NLRC5: variants seen among roughly 807,000 people sequenced by gnomAD.
The protein encoded by NLRC5 is NLR family CARD domain containing 5, also known as protein NLRC5.
A neutral mutation model predicts 206.9 loss-of-function variants in NLRC5; 114 were observed. That is an observed-to-expected ratio of 0.55 (90% CI 0.47 to 0.64). The LOEUF (loss-of-function observed/expected upper bound fraction) is 0.64, where lower values mean the gene tolerates loss of function less well. Ranked by LOEUF, NLRC5 falls within the 30% of genes least tolerant of loss-of-function variation. The pLI is 0.00. For missense variants in NLRC5, 2,008 were observed against 2,305.5 expected, an observed-to-expected ratio of 0.87 and a Z score of 2.64; for synonymous variants, 952 against 962.8, an observed-to-expected ratio of 0.99 and a Z score of 0.21.
chr16:57,011,008 C>CT (rs2059434409), intron 1 of NLRC5, among the ~76,000 whole-genome samples: 1 of 152,138 alleles, frequency 6.6e-6, no homozygotes, highest in Non-Finnish European at 1.5e-5. Flanking sequence ...GCCCAGACCC[C>CT]TCCTCAGACA....
chr16:57,071,122 T>G (rs1597440532), intron 38 of NLRC5, among the ~76,000 whole-genome samples: 12 of 97,954 alleles, frequency 1.2e-4, no homozygotes, highest in Admixed American at 3.5e-4. Context: ...GGTGAGTGAG[T>G]GGTGGGGTTG....
At chr16:57,046,967 G>T (rs1236417875) in intron 22 of NLRC5, among the ~76,000 whole-genome samples, 4 of 152,214 alleles carry the variant, frequency 2.6e-5, no homozygotes, top group Non-Finnish European at 5.9e-5. Context: ...CAGAAAGAAA[G>T]GGGTTGGCCT....
intron 32 of NLRC5, chr16:57,062,014 T>C (rs1397503057): frequency 7.0e-7 from 1 of 1,430,428 alleles, no homozygotes; most frequent in Admixed American, 2.2e-5. Flanking sequence ...TGTCTGTCTG[T>C]TCACTATGAT....
At chr16:57,060,048 AT>A (rs769806980) in intron 30 of NLRC5, among the ~76,000 whole-genome samples, 2 of 149,410 alleles carry the variant, frequency 1.3e-5, no homozygotes, top group Non-Finnish European at 3.0e-5. Flanking sequence ...TATTATTATT[AT>A]TATTATTATC....
chr16:57,028,199 G>A (rs1469871692), intron 7 of NLRC5, 44 bp downstream of exon 7: 1 of 1,579,926 alleles, frequency 6.3e-7, no homozygotes, highest in East Asian at 2.2e-5. Context: ...AGCTGGGGAT[G>A]CCTGGTACTC....
intron 38 of NLRC5, among the ~76,000 whole-genome samples, chr16:57,070,949 TGG>T (rs2067620087): frequency 1.5e-5 from 2 of 132,066 alleles, no homozygotes; most frequent in Non-Finnish European, 3.1e-5. Flanking sequence ...GTTGTGTTGG[TGG>T]TTAATGGGGA....
intron 26 of NLRC5, 21 bp downstream of exon 26, chr16:57,055,115 C>T: frequency 6.2e-7 from 1 of 1,613,712 alleles, no homozygotes; most frequent in South Asian, 1.1e-5. Context: ...TTGAACCATG[C>T]CTAGGCAGCT....
intron 13 of NLRC5, among the ~76,000 whole-genome samples, chr16:57,035,369 C>T (rs1437589693): frequency 3.3e-5 from 5 of 152,082 alleles, no homozygotes; most frequent in Admixed American, 6.6e-5. Context: ...TGATGCCTGC[C>T]CCCTTCACTC....
At chr16:57,062,127 T>A (rs759617881) in intron 32 of NLRC5, 7 of 978,570 alleles carry the variant, frequency 7.2e-6, no homozygotes, top group South Asian at 6.9e-5. Context: ...ATACTTTTTT[T>A]ATATTTGCTT....
chr16:57,027,068 G>A, intron 6 of NLRC5, 50 bp downstream of exon 6: 1 of 1,573,134 alleles, frequency 6.4e-7, no homozygotes, highest in Admixed American at 1.8e-5. Flanking sequence ...TTTTGGGGGA[G>A]CAGAGGCCAA....
Position 56,990,941 on chromosome 16 carries a change from C to A in NLRC5, c.-128+1324C>A, listed in dbSNP as rs563272974. The A allele has an allele frequency of 2.0e-5, 3 of 152,282 alleles. No individual in the cohort carries two copies. In the East Asian group the frequency reaches 5.8e-4, roughly 29 times the overall value. The allele number at this position is 152,282 out of a possible 1,614,324, so 9.4% of individuals were successfully genotyped here. On this transcript the variant is annotated intron_variant, in intron 1 of 48. Transcript: ENST00000688547. ...CCGCCTTGTCTCCTGAAGCACATTG[C>A]CAGGTGGACCTGCACATGGTGTGGA...
chr16:57,060,047 T>TATTATG (rs1247970040), intron 30 of NLRC5, among the ~76,000 whole-genome samples: 1 of 137,836 alleles, frequency 7.3e-6, no homozygotes, highest in African/African-American at 2.9e-5. Context: ...TTATTATTAT[T>TATTATG]ATTATTATTA....
chr16:57,076,496 G>A (rs1262434798), intron 39 of NLRC5, among the ~76,000 whole-genome samples: 1 of 152,244 alleles, frequency 6.6e-6, no homozygotes, highest in Non-Finnish European at 1.5e-5. Context: ...TGACACAGAG[G>A]CTGAGGTGAA....
At chr16:56,990,205 C>T (rs1454458664) in intron 1 of NLRC5, among the ~76,000 whole-genome samples, 1 of 152,102 alleles carries the variant, frequency 6.6e-6, no homozygotes, top group Non-Finnish European at 1.5e-5. Context: ...TACTCACGAC[C>T]CCAAGGCCAC....
intron 45 of NLRC5, 32 bp from the exon 46 acceptor site, chr16:57,079,514 C>G: frequency 6.3e-7 from 1 of 1,583,182 alleles, no homozygotes; most frequent in Non-Finnish European, 8.7e-7. Flanking sequence ...CAAACAACCC[C>G]CATCCCATCC....
At chr16:57,032,891 A>T (rs1272948492) in intron 11 of NLRC5, among the ~76,000 whole-genome samples, 1 of 151,580 alleles carries the variant, frequency 6.6e-6, no homozygotes, top group Non-Finnish European at 1.5e-5. Flanking sequence ...CCAGTTACTC[A>T]GGAAGCCAAG....
At chr16:57,023,941 A>T (rs535831159) in intron 5 of NLRC5, 88 bp downstream of exon 5, 1 of 1,225,260 alleles carries the variant, frequency 8.2e-7, no homozygotes, top group Admixed American at 2.1e-5. Context: ...TCCCCTGCCA[A>T]TAAGCCTCCA....
chr16:57,076,981 C>A, intron 40 of NLRC5, 79 bp downstream of exon 40: 1 of 1,245,670 alleles, frequency 8.0e-7, no homozygotes, highest in Non-Finnish European at 1.2e-6. Context: ...TACCTGAGCA[C>A]GCCCTTTGCT....
intron 29 of NLRC5, 43 bp from the exon 30 acceptor site, chr16:57,059,424 G>A: frequency 6.4e-7 from 1 of 1,573,914 alleles, no homozygotes; most frequent in Non-Finnish European, 8.6e-7. Context: ...TAGGAAGCTG[G>A]CATGTCTGGG....
Sources: gnomAD v4.1 joint callset for allele counts (sites outside exome capture counted in the v4.1 genomes callset) on GRCh38, gnomAD v4.1.1 for gene constraint, MANE v1.5 for transcripts, NCBI Gene and HGNC (gene_info 2026-07-23, HGNC 2026-07-21) for gene names.